Variants in HIKESHI observed in about 807,000 individuals in gnomAD.
HIKESHI encodes protein Hikeshi.
Under a neutral mutation model 25.7 loss-of-function variants are expected in HIKESHI, and 13 were observed. The ratio of observed to expected loss-of-function variants is 0.51; its 90% CI spans 0.33 to 0.80. The LOEUF is 0.80. HIKESHI is among the 30% of genes least tolerant of loss of function. The pLI is 0.02. For synonymous variants in HIKESHI, 76 were observed against 78.7 expected, an observed-to-expected ratio of 0.97 and a Z score of 0.18; for missense variants, 174 against 229.5, an observed-to-expected ratio of 0.76 and a Z score of 1.56.
At chr11:86,329,833 C>T (rs1379258699) in intron 2 of HIKESHI, among the ~76,000 whole-genome samples, 1 of 152,036 alleles carries the variant, frequency 6.6e-6, no homozygotes, top group Non-Finnish European at 1.5e-5. Flanking sequence ...ATAGTGTTTA[C>T]ATGCTATATT....
At chr11:86,317,693 C>A (rs1947025715) in intron 2 of HIKESHI, among the ~76,000 whole-genome samples, 1 of 151,770 alleles carries the variant, frequency 6.6e-6, no homozygotes, top group Non-Finnish European at 1.5e-5. Context: ...GTTGTCCCAG[C>A]ACTCGAGAGA....
intron 2 of HIKESHI, among the ~76,000 whole-genome samples, chr11:86,309,646 A>G (rs553916286): frequency 6.6e-6 from 1 of 152,278 alleles, no homozygotes; most frequent in East Asian, 1.9e-4. Context: ...TTCCTTGCCC[A>G]TGCCTATGTC....
rs868362661 is a variant in HIKESHI, at chr11:86,307,894, A to T, written c.268+1412A>T. Reference sequence around the variant, plus strand: ...AAATATATATTATGTGTAATATACAATATATAAAATATATATTATGTGTAA... The same window carrying T: ...AAATATATATTATGTGTAATATACATTATATAAAATATATATTATGTGTAA... On this transcript the variant is annotated intron_variant, in intron 2 of 4. Coordinates refer to ENST00000278483, the MANE Select transcript of HIKESHI (RefSeq NM_016401.4). Among the ~76,000 whole-genome samples the T allele has an allele frequency of 1.1e-4, 14 of 125,386 alleles. 1 individual carries two copies. In the South Asian group the frequency reaches 2.4e-3, roughly 22 times the overall value. 82.3% of individuals were successfully genotyped at this position (125,386 alleles called of 152,430 possible).
intron 2 of HIKESHI, among the ~76,000 whole-genome samples, chr11:86,318,560 A>G (rs559817657): frequency 6.6e-6 from 1 of 152,192 alleles, no homozygotes; most frequent in East Asian, 1.9e-4. Context: ...CAAAGACAAT[A>G]TGAGAGAGGA....
intron 4 of HIKESHI, chr11:86,345,095 T>TAAGAA (rs1947837929): frequency 1.8e-6 from 2 of 1,082,390 alleles, no homozygotes; most frequent in African/African-American, 3.3e-5. Flanking sequence ...GTTTTATAGA[T>TAAGAA]ATTTCTTTTC....
chr11:86,332,896 T>C (rs946043492), intron 2 of HIKESHI, among the ~76,000 whole-genome samples: 1 of 152,278 alleles, frequency 6.6e-6, no homozygotes, highest in East Asian at 1.9e-4. Context: ...ACAATTTTCA[T>C]GTTGCATTGC....
chr11:86,315,568 C>T (rs796267085), intron 2 of HIKESHI, among the ~76,000 whole-genome samples: 3 of 152,304 alleles, frequency 2.0e-5, no homozygotes, highest in African/African-American at 4.8e-5. Context: ...ATCCGCCCAC[C>T]TCAGCCTCCC....
At chr11:86,326,427 T>A (rs980597192) in intron 2 of HIKESHI, 1 of 452,466 alleles carries the variant, frequency 2.2e-6, no homozygotes, top group African/African-American at 2.0e-5. Context: ...CTTGGGAAGT[T>A]ACTTTCGGCC....
At chr11:86,322,430 T>C (rs1297760490) in intron 2 of HIKESHI, among the ~76,000 whole-genome samples, 1 of 151,554 alleles carries the variant, frequency 6.6e-6, no homozygotes, top group Non-Finnish European at 1.5e-5. Context: ...TATATATATG[T>C]GTATATGTAT....
At chr11:86,304,815 C>T (rs1946579900) in intron 1 of HIKESHI, among the ~76,000 whole-genome samples, 2 of 152,096 alleles carry the variant, frequency 1.3e-5, no homozygotes, top group African/African-American at 4.8e-5. Context: ...TGTGCCAGGC[C>T]TACAACTCAC....
chr11:86,335,461 G>A (rs2138399645), intron 2 of HIKESHI, among the ~76,000 whole-genome samples: 1 of 152,260 alleles, frequency 6.6e-6, no homozygotes, highest in Admixed American at 6.5e-5. Flanking sequence ...TGCATTCCCA[G>A]AGCTTTGTGC....
chr11:86,307,477 C>A (rs866570516), intron 2 of HIKESHI, among the ~76,000 whole-genome samples: 1 of 135,476 alleles, frequency 7.4e-6, no homozygotes, highest in African/African-American at 2.7e-5. Context: ...CATTATATAT[C>A]AAATATATAT....
intron 1 of HIKESHI, 149 bp from the exon 2 acceptor site, chr11:86,306,096 A>G (rs1565717719): frequency 3.3e-6 from 2 of 597,158 alleles, no homozygotes; most frequent in African/African-American, 3.7e-5. Context: ...TGTAAAACTA[A>G]GTATGTATTT....
intron 2 of HIKESHI, among the ~76,000 whole-genome samples, chr11:86,307,987 T>TTATATATAAAATATATATTATGTGTAA (rs1946705826): frequency 4.3e-5 from 5 of 115,500 alleles, no homozygotes; most frequent in African/African-American, 1.8e-4. Flanking sequence ...GTAATATATA[T>TTATATATAAAATATATATTATGTGTAA]TATATATAAA....
intron 2 of HIKESHI, among the ~76,000 whole-genome samples, chr11:86,312,830 T>G (rs1014349318): frequency 6.6e-6 from 1 of 152,206 alleles, no homozygotes; most frequent in Admixed American, 6.5e-5. Context: ...TTAGTTTGGC[T>G]GGATATGAAA....
chr11:86,306,471 G>A lies in HIKESHI; in HGVS notation c.257G>A (p.Gly86Asp), dbSNP rs769149509. 1.3e-6 allele frequency: 2 copies of A among 1,596,148 alleles called. No homozygotes were observed. Among genetic ancestry groups the A allele is most frequent in the Non-Finnish European group, 1.7e-6 (2 of 1,164,418 alleles). Reference protein sequence around the residue: ...GKPSAIFKISGLKSGEGSQHP... With the variant: ...GKPSAIFKISDLKSGEGSQHP... ...CCAAGTGCCATCTTCAAAATTTCAG[G>A]TCTTAAATCTGGTAAGAATAATATA... Residue 86 changes from glycine to aspartate, a missense_variant, in exon 2 of 5, where the codon GGT becomes GAT. Transcript: ENST00000278483.
intron 2 of HIKESHI, among the ~76,000 whole-genome samples, chr11:86,307,627 GT>G (rs1946677273): frequency 1.0e-5 from 1 of 96,458 alleles, no homozygotes; most frequent in African/African-American, 3.7e-5. Flanking sequence ...TATATTATGT[GT>G]AGTATACATT....
At chr11:86,314,482 G>T (rs1010680853) in intron 2 of HIKESHI, among the ~76,000 whole-genome samples, 1 of 152,136 alleles carries the variant, frequency 6.6e-6, no homozygotes, top group Non-Finnish European at 1.5e-5. Flanking sequence ...AGGCATGGTG[G>T]CATGTGCCTG....
At chr11:86,325,217 G>A (rs1947244977) in intron 2 of HIKESHI, among the ~76,000 whole-genome samples, 1 of 152,024 alleles carries the variant, frequency 6.6e-6, no homozygotes, top group Admixed American at 6.6e-5. Context: ...TTTTGGCAGT[G>A]CTTATGATTC....
Sources: gnomAD v4.1 joint callset for allele counts (sites outside exome capture counted in the v4.1 genomes callset) on GRCh38, gnomAD v4.1.1 for gene constraint, MANE v1.5 for transcripts, NCBI Gene and HGNC (gene_info 2026-07-23, HGNC 2026-07-21) for gene names.